Variants in EEA1 observed in about 807,000 individuals in gnomAD.
EEA1 encodes the protein early endosome antigen 1, 162kD.
A neutral mutation model predicts 209.2 loss-of-function variants in EEA1; 111 were observed. That is an observed-to-expected ratio of 0.53 (90% CI 0.45 to 0.62). The LOEUF (loss-of-function observed/expected upper bound fraction) is 0.62. Ranked by LOEUF, EEA1 falls within the 20% of genes least tolerant of loss-of-function variation. The pLI is 0.00. For missense variants in EEA1, 1,343 were observed against 1,530.8 expected, an observed-to-expected ratio of 0.88 and a Z score of 2.05; for synonymous variants, 536 against 540.6, an observed-to-expected ratio of 0.99 and a Z score of 0.12.
At chr12:92,816,804 CTGATTTG>C (rs1460790106) in intron 14 of EEA1, among the ~76,000 whole-genome samples, 463 of 146,978 alleles carry the variant, frequency 3.2e-3, no homozygotes, top group African/African-American at 0.012. Context: ...CAGCCAATCA[CTGATTTG>C]GTTAAGTAAT....
At chr12:92,820,367 T>G (rs940592053) in intron 13 of EEA1, among the ~76,000 whole-genome samples, 2 of 152,132 alleles carry the variant, frequency 1.3e-5, no homozygotes, top group Non-Finnish European at 2.9e-5. Context: ...TGTGCCAATA[T>G]TAAAATATTT....
rs190486784 is a variant in EEA1, at chr12:92,845,129, T to C, written c.799-2548A>G. Among the ~76,000 whole-genome samples the C allele has an allele frequency of 2.3e-3, 348 of 152,242 alleles. 3 individuals carry two copies. The highest frequency in any genetic ancestry group is 7.7e-3 in the African/African-American group (321 of 41,558). On this transcript the variant is annotated intron_variant, in intron 9 of 28. Coordinates refer to ENST00000322349, the MANE Select transcript of EEA1 (RefSeq NM_003566.4). ...CATTAAGTGTATCATTTACACTTTG[T>C]ACAACAAATTTGGATATTGTGAAAA...
At chr12:92,869,237 A>T (rs1027324130) in intron 2 of EEA1, among the ~76,000 whole-genome samples, 25 of 152,208 alleles carry the variant, frequency 1.6e-4, no homozygotes, top group African/African-American at 5.8e-4. Flanking sequence ...ACAATAACAC[A>T]CTAAAACTAG....
intron 21 of EEA1, among the ~76,000 whole-genome samples, chr12:92,798,367 G>C (rs1302724162): frequency 6.8e-6 from 1 of 147,712 alleles, no homozygotes; most frequent in Non-Finnish European, 1.5e-5. Flanking sequence ...TTTTGAGACA[G>C]AGTACCTCTG....
chr12:92,875,711 C>G (rs573310898), intron 2 of EEA1, among the ~76,000 whole-genome samples: 1 of 152,282 alleles, frequency 6.6e-6, no homozygotes, highest in Non-Finnish European at 1.5e-5. Flanking sequence ...ACGACAGTAA[C>G]AGTTAAAAAC....
At chr12:92,806,467 G>C (rs1875211684) in intron 18 of EEA1, among the ~76,000 whole-genome samples, 1 of 152,150 alleles carries the variant, frequency 6.6e-6, no homozygotes, top group African/African-American at 2.4e-5. Flanking sequence ...ATAGCTCTAT[G>C]TCTATTAAAT....
chr12:92,887,947 A>AAC (rs576408774), intron 2 of EEA1, among the ~76,000 whole-genome samples: 7 of 152,058 alleles, frequency 4.6e-5, no homozygotes, highest in African/African-American at 9.7e-5. Context: ...AGCAGGATTA[A>AAC]ACACACACAC....
chr12:92,904,252 T>G (rs1448685546), intron 1 of EEA1, among the ~76,000 whole-genome samples: 1 of 152,112 alleles, frequency 6.6e-6, no homozygotes, highest in Non-Finnish European at 1.5e-5. Context: ...TGAGCCACCA[T>G]GCCTGGCCAA....
intron 21 of EEA1, among the ~76,000 whole-genome samples, chr12:92,792,187 G>A (rs188354975): frequency 9.9e-5 from 15 of 152,046 alleles, no homozygotes; most frequent in African/African-American, 2.4e-4. Context: ...AACTAAAATC[G>A]ACACCCTAAC....
intron 11 of EEA1, among the ~76,000 whole-genome samples, chr12:92,831,557 T>C (rs1228136383): frequency 1.4e-5 from 2 of 146,916 alleles, no homozygotes; most frequent in Admixed American, 6.8e-5. Context: ...AATATCATGA[T>C]ATATTGTGTG....
intron 3 of EEA1, among the ~76,000 whole-genome samples, chr12:92,862,983 T>C (rs1487676257): frequency 2.6e-5 from 4 of 152,178 alleles, no homozygotes; most frequent in African/African-American, 9.6e-5. Flanking sequence ...TGAGGGAAGA[T>C]ACCTAATAGG....
At chr12:92,889,620 C>T (rs917083692) in intron 2 of EEA1, among the ~76,000 whole-genome samples, 8 of 151,726 alleles carry the variant, frequency 5.3e-5, no homozygotes, top group South Asian at 2.1e-4. Flanking sequence ...AGATAAAGTC[C>T]GGGAGCAGTG....
intron 10 of EEA1, among the ~76,000 whole-genome samples, chr12:92,841,362 T>A (rs1877154911): frequency 6.6e-6 from 1 of 152,080 alleles, no homozygotes; most frequent in African/African-American, 2.4e-5. Context: ...TAGAAAACTC[T>A]TATAAGAAAA....
At chr12:92,889,152 AC>A (rs1879553552) in intron 2 of EEA1, among the ~76,000 whole-genome samples, 1 of 151,062 alleles carries the variant, frequency 6.6e-6, no homozygotes, top group African/African-American at 2.5e-5. Flanking sequence ...TGTCTCAAAA[AC>A]ATTAAAAAAA....
At chr12:92,916,045 T>G (rs1471715327) in intron 1 of EEA1, among the ~76,000 whole-genome samples, 1 of 152,146 alleles carries the variant, frequency 6.6e-6, no homozygotes, top group Non-Finnish European at 1.5e-5. Context: ...AACTTAATAT[T>G]AAGTGAAATA....
intron 1 of EEA1, among the ~76,000 whole-genome samples, chr12:92,903,647 G>T (rs1296251582): frequency 6.6e-6 from 1 of 151,624 alleles, no homozygotes; most frequent in Non-Finnish European, 1.5e-5. Context: ...TACATCTATT[G>T]TGAGAAATTA....
intron 22 of EEA1, 57 bp downstream of exon 22, chr12:92,787,810 T>G: frequency 7.7e-7 from 1 of 1,306,404 alleles, no homozygotes; most frequent in Non-Finnish European, 1.0e-6. Context: ...AATAGATCAT[T>G]TAATAAATGT....
At chr12:92,896,927 T>C (rs1464433471) in intron 1 of EEA1, among the ~76,000 whole-genome samples, 1 of 152,094 alleles carries the variant, frequency 6.6e-6, no homozygotes, top group Non-Finnish European at 1.5e-5. Context: ...GTAATCCTAG[T>C]GCTTTGGGAG....
intron 2 of EEA1, among the ~76,000 whole-genome samples, chr12:92,871,361 T>C (rs1401165256): frequency 1.3e-5 from 2 of 152,128 alleles, no homozygotes; most frequent in East Asian, 1.9e-4. Context: ...ACCAGCTATT[T>C]TGAGCAACCC....
Sources: allele counts gnomAD v4.1 joint callset (sites outside exome capture counted in the v4.1 genomes callset), GRCh38; gene constraint gnomAD v4.1.1; transcripts MANE v1.5; gene names NCBI Gene and HGNC (gene_info 2026-07-23, HGNC 2026-07-21).